XRCC4: variants seen among roughly 807,000 people sequenced by gnomAD.
The protein encoded by XRCC4 is DNA repair protein XRCC4.
In XRCC4, 28 loss-of-function variants were observed where a neutral mutation model predicts 39.1. The observed-to-expected ratio is 0.72, with a 90% CI of 0.53 to 0.98. The LOEUF is 0.98. Ranked by LOEUF, XRCC4 falls within the 50% of genes least tolerant of loss-of-function variation. The probability of loss-of-function intolerance (pLI) is 0.00; values close to 1 mark genes in which losing one functional copy is unlikely to be tolerated. For missense variants in XRCC4, 350 were observed against 376.4 expected (o/e 0.93, Z 0.58); for synonymous variants, 123 against 126.4 (o/e 0.97, Z 0.18).
chr5:83,145,942 A>T (rs1451262513), intron 3 of XRCC4, among the ~76,000 whole-genome samples: 1 of 151,430 alleles, frequency 6.6e-6, no homozygotes, highest in Non-Finnish European at 1.5e-5. Flanking sequence ...TGGCCTGACC[A>T]TGACTAAAAG....
Position 83,316,526 on chromosome 5 carries a change from A to C in XRCC4, c.894-36605A>C, listed in dbSNP as rs1755890807. On this transcript the variant is annotated intron_variant, in intron 7 of 7. Coordinates refer to ENST00000396027, the MANE Select transcript of XRCC4 (RefSeq NM_003401.5). ...GAGAAAGATCTACCAAGCCAATGGAAAACAAAAAAAGGCAGGGGTTGCAAT... is the reference window on the plus strand; with the variant it reads ...GAGAAAGATCTACCAAGCCAATGGACAACAAAAAAAGGCAGGGGTTGCAAT... Among the ~76,000 whole-genome samples the C allele has an allele frequency of 4.6e-5, 7 of 151,346 alleles. No individual in the cohort carries two copies. In the South Asian group the frequency reaches 1.3e-3, roughly 27 times the overall value.
intron 2 of XRCC4, among the ~76,000 whole-genome samples, 182 bp downstream of exon 2, chr5:83,105,240 A>G (rs1289340556): frequency 6.6e-6 from 1 of 152,206 alleles, no homozygotes; most frequent in African/African-American, 2.4e-5. Flanking sequence ...GTAATAGAAA[A>G]ACAAACGTGT....
chr5:83,226,439 A>G (rs989263499), intron 6 of XRCC4, among the ~76,000 whole-genome samples: 1 of 152,076 alleles, frequency 6.6e-6, no homozygotes, highest in African/African-American at 2.4e-5. Flanking sequence ...AGGGGTTTGA[A>G]GTTCCTGGAA....
At chr5:83,227,778 C>A (rs1362731254) in intron 6 of XRCC4, among the ~76,000 whole-genome samples, 4 of 152,020 alleles carry the variant, frequency 2.6e-5, no homozygotes, top group Non-Finnish European at 5.9e-5. Flanking sequence ...TCTACTCAGG[C>A]TTTTTCTCTC....
chr5:83,153,641 G>T (rs1321920057), intron 3 of XRCC4, among the ~76,000 whole-genome samples: 2 of 152,136 alleles, frequency 1.3e-5, no homozygotes, highest in African/African-American at 4.8e-5. Context: ...GATGACAAAG[G>T]CTGGCAAGGA....
intron 7 of XRCC4, among the ~76,000 whole-genome samples, chr5:83,340,777 G>A (rs1386677396): frequency 6.6e-6 from 1 of 152,162 alleles, no homozygotes; most frequent in African/African-American, 2.4e-5. Context: ...AAGGCATTAT[G>A]TTATGGTAAT....
At chr5:83,112,993 G>C (rs10069603) in intron 3 of XRCC4, among the ~76,000 whole-genome samples, 83,865 of 151,906 alleles carry the variant, frequency 0.55, 23,526 homozygotes, top group East Asian at 0.67. Context: ...TCCTTCCCAA[G>C]AGTCCCCCAG....
chr5:83,252,513 T>C (rs1032755067), intron 6 of XRCC4, among the ~76,000 whole-genome samples: 1 of 152,112 alleles, frequency 6.6e-6, no homozygotes, highest in Non-Finnish European at 1.5e-5. Context: ...TGAATATTAA[T>C]TTGGTCTTTC....
At chr5:83,274,183 C>T (rs1473769310) in intron 7 of XRCC4, among the ~76,000 whole-genome samples, 1 of 152,140 alleles carries the variant, frequency 6.6e-6, no homozygotes, top group Admixed American at 6.5e-5. Flanking sequence ...TTTCCCTTTC[C>T]AGTACTCAAC....
chr5:83,199,571 A>G (rs1298819057), intron 4 of XRCC4, among the ~76,000 whole-genome samples: 3 of 151,994 alleles, frequency 2.0e-5, no homozygotes, highest in Admixed American at 6.6e-5. Context: ...TCACATTTAT[A>G]TATCTATTAT....
At chr5:83,171,235 T>C (rs1749707208) in intron 3 of XRCC4, among the ~76,000 whole-genome samples, 1 of 152,158 alleles carries the variant, frequency 6.6e-6, no homozygotes. Context: ...TACAATCTTT[T>C]CTTGCTGATA....
chr5:83,293,765 A>AT (rs948336295), intron 7 of XRCC4, among the ~76,000 whole-genome samples: 26 of 152,150 alleles, frequency 1.7e-4, no homozygotes, highest in Non-Finnish European at 2.2e-4. Context: ...TGCAACAGAT[A>AT]TTTTTTGAAT....
the XRCC4 span, among the ~76,000 whole-genome samples, chr5:83,358,895 C>T: frequency 5.9e-5 from 9 of 152,230 alleles, no homozygotes; most frequent in South Asian, 4.1e-4. Flanking sequence ...ACAGGAAAGG[C>T]GGAGAAGCGA....
intron 6 of XRCC4, among the ~76,000 whole-genome samples, chr5:83,224,202 C>T (rs191585808): frequency 5.3e-5 from 8 of 151,798 alleles, no homozygotes; most frequent in South Asian, 4.2e-4. Context: ...GTGGATAATT[C>T]GTTCCCTTCT....
chr5:83,202,457 T>C (rs1262869033), intron 4 of XRCC4, among the ~76,000 whole-genome samples: 1 of 152,230 alleles, frequency 6.6e-6, no homozygotes, highest in Non-Finnish European at 1.5e-5. Context: ...TATCCTATGA[T>C]ACGTTCTAAT....
chr5:83,175,698 T>C (rs1269985307), intron 3 of XRCC4, among the ~76,000 whole-genome samples: 1 of 152,120 alleles, frequency 6.6e-6, no homozygotes, highest in Non-Finnish European at 1.5e-5. Flanking sequence ...AACCTCCACC[T>C]CCTGGGTTCA....
chr5:83,114,823 A>G (rs1335787379), intron 3 of XRCC4, among the ~76,000 whole-genome samples: 2 of 152,054 alleles, frequency 1.3e-5, no homozygotes, highest in South Asian at 4.1e-4. Context: ...GTACCAATTT[A>G]CTGTATTAGT....
rs760193429 is a variant in XRCC4 at position 83,258,685 on chromosome 5, A to G, written c.893+8A>G. On this transcript the variant is annotated splice_region_variant and intron_variant, in intron 7 of 7. Transcript: ENST00000396027. ...GCTTCAAGAAAAGGAAAAGTAAGTC[A>G]TTTTATTCTTTGCCAAGAAGTGAGA... The G allele has an allele frequency of 3.7e-6, 6 of 1,608,994 alleles. No individual in the cohort carries two copies. The highest frequency in any genetic ancestry group is 5.1e-6 in the Non-Finnish European group (6 of 1,178,270).
chr5:83,204,586 TATA>T (rs1341762885), intron 5 of XRCC4, among the ~76,000 whole-genome samples: 1 of 152,088 alleles, frequency 6.6e-6, no homozygotes, highest in Non-Finnish European at 1.5e-5. Flanking sequence ...TAATATTAAT[TATA>T]ATAAGTACTA....
Sources: gnomAD v4.1 joint callset for allele counts (sites outside exome capture counted in the v4.1 genomes callset) on GRCh38, gnomAD v4.1.1 for gene constraint, MANE v1.5 for transcripts, NCBI Gene and HGNC (gene_info 2026-07-23, HGNC 2026-07-21) for gene names.